The following RBFOX3 variants were observed in gnomAD, a reference collection of about 807,000 sequenced individuals.
RBFOX3 encodes the protein RNA binding fox-1 homolog 3.
In RBFOX3, 17 loss-of-function variants were observed where a neutral mutation model predicts 48.7. That is an observed-to-expected ratio of 0.35 (90% CI 0.24 to 0.52). RBFOX3 has a LOEUF of 0.52. Among genes scored for constraint, RBFOX3 ranks in the 20% least tolerant of loss-of-function variants. The probability of loss-of-function intolerance (pLI) is 0.94; values close to 1 mark genes in which losing one functional copy is unlikely to be tolerated. For missense variants in RBFOX3, 382 were observed against 497.5 expected, an observed-to-expected ratio of 0.77 and a Z score of 2.21; for synonymous variants, 212 against 209.5, an observed-to-expected ratio of 1.01 and a Z score of -0.10.
At chr17:79,410,521 G>A (rs1489942025) in intron 2 of RBFOX3, among the ~76,000 whole-genome samples, 2 of 152,194 alleles carry the variant, frequency 1.3e-5, no homozygotes, top group Admixed American at 6.5e-5. Context: ...TTGAAACACA[G>A]AGAGTTTTCT....
intron 1 of RBFOX3, among the ~76,000 whole-genome samples, chr17:79,511,942 A>G (rs1416840337): frequency 0.016 from 993 of 61,798 alleles, no homozygotes; most frequent in Middle Eastern, 0.042. Flanking sequence ...TTACCATCGG[A>G]TACAGCCCCA....
chr17:79,450,779 C>T (rs1555741146), intron 2 of RBFOX3, among the ~76,000 whole-genome samples: 6 of 152,042 alleles, frequency 3.9e-5, no homozygotes, highest in Non-Finnish European at 4.4e-5. Flanking sequence ...GACGGAGCTC[C>T]CAGGGTAGCC....
chr17:79,101,434 G>A (rs1379238313), intron 9 of RBFOX3, 150 bp downstream of exon 9: 24 of 707,270 alleles, frequency 3.4e-5, no homozygotes, highest in South Asian at 1.0e-4. Context: ...GCTTCTGACC[G>A]GGAGCAGAGC....
intron 1 of RBFOX3, among the ~76,000 whole-genome samples, chr17:79,550,521 T>C (rs1444659122): frequency 6.6e-6 from 1 of 152,188 alleles, no homozygotes; most frequent in Non-Finnish European, 1.5e-5. Context: ...GTTTATTTAA[T>C]AAGTATTTTT....
intron 14 of RBFOX3, chr17:79,092,386 C>T: frequency 6.1e-6 from 6 of 985,706 alleles, no homozygotes; most frequent in Non-Finnish European, 7.2e-6. Context: ...AAACCAGGGT[C>T]AAAGACACAC....
At chr17:79,495,057 T>TTCA (rs1275552643) in intron 1 of RBFOX3, among the ~76,000 whole-genome samples, 42 of 152,096 alleles carry the variant, frequency 2.8e-4, no homozygotes, top group African/African-American at 1.0e-3. Context: ...ACAGTTCAGG[T>TTCA]TCATCCCCAT....
intron 2 of RBFOX3, among the ~76,000 whole-genome samples, chr17:79,405,214 G>A (rs2063384033): frequency 6.6e-6 from 1 of 152,100 alleles, no homozygotes; most frequent in Non-Finnish European, 1.5e-5. Context: ...CGATGCAACT[G>A]GGGCATTCTC....
At chr17:79,507,400 G>A (rs1301398507) in intron 1 of RBFOX3, among the ~76,000 whole-genome samples, 9 of 152,152 alleles carry the variant, frequency 5.9e-5, no homozygotes, top group East Asian at 1.9e-4. Context: ...TAAATTTGGC[G>A]TCCATGGGGG....
chr17:79,650,944 C>A, the RBFOX3 span, among the ~76,000 whole-genome samples: 1 of 152,334 alleles, frequency 6.6e-6, no homozygotes, highest in Admixed American at 6.5e-5. Context: ...GGCCTTTACC[C>A]TCGGCCTCTC....
At chr17:79,170,997 C>T (rs566162210) in intron 4 of RBFOX3, among the ~76,000 whole-genome samples, 3 of 152,134 alleles carry the variant, frequency 2.0e-5, no homozygotes, top group East Asian at 1.9e-4. Context: ...GGCAGAGCCC[C>T]GCTCCTGAGA....
intron 2 of RBFOX3, among the ~76,000 whole-genome samples, chr17:79,412,500 G>C (rs905281158): frequency 1.3e-5 from 2 of 151,664 alleles, no homozygotes; most frequent in African/African-American, 4.9e-5. Flanking sequence ...CATGTATGAG[G>C]GTATGGTGTG....
chr17:79,564,820 T>A (rs994746823), intron 1 of RBFOX3, among the ~76,000 whole-genome samples: 42 of 151,966 alleles, frequency 2.8e-4, no homozygotes, highest in African/African-American at 9.4e-4. Context: ...GGTGGGCAGA[T>A]CACGAGGTCA....
At chr17:79,102,777 C>A (rs2076681339) in intron 8 of RBFOX3, among the ~76,000 whole-genome samples, 1 of 152,216 alleles carries the variant, frequency 6.6e-6, no homozygotes, top group Non-Finnish European at 1.5e-5. Flanking sequence ...AGGTTGGGGA[C>A]AGCCGCTGCT....
intron 2 of RBFOX3, among the ~76,000 whole-genome samples, chr17:79,422,559 G>C (rs1331553992): frequency 6.6e-6 from 1 of 152,220 alleles, no homozygotes; most frequent in Non-Finnish European, 1.5e-5. Context: ...AAGCCGCCAG[G>C]CAGACACTCG....
intron 3 of RBFOX3, among the ~76,000 whole-genome samples, chr17:79,236,082 C>T (rs989720602): frequency 3.3e-5 from 5 of 152,200 alleles, no homozygotes; most frequent in South Asian, 2.1e-4. Flanking sequence ...ATTTTCTCTG[C>T]GACTCTGGAT....
chr17:79,104,501 G>T (rs916451803), intron 6 of RBFOX3, among the ~76,000 whole-genome samples: 12 of 152,052 alleles, frequency 7.9e-5, no homozygotes, highest in Non-Finnish European at 1.6e-4. Context: ...CACATCACCA[G>T]TGTCCCCTCC....
the RBFOX3 span, among the ~76,000 whole-genome samples, chr17:79,620,512 T>C: frequency 2.2e-4 from 28 of 128,206 alleles, 1 homozygote; most frequent in Admixed American, 7.8e-4. Context: ...CACATGCGCA[T>C]ACGTGCACAT....
At chr17:79,474,848 C>T (rs2077506484) in intron 2 of RBFOX3, among the ~76,000 whole-genome samples, 2 of 152,116 alleles carry the variant, frequency 1.3e-5, no homozygotes, top group Admixed American at 6.5e-5. Context: ...TGTCCACATC[C>T]CTCTCTCCCC....
intron 2 of RBFOX3, among the ~76,000 whole-genome samples, chr17:79,351,022 C>T (rs1434014278): frequency 6.6e-6 from 1 of 152,194 alleles, no homozygotes; most frequent in Non-Finnish European, 1.5e-5. Context: ...TCAGTATTTG[C>T]CCCTGTGCAT....
Sources: gnomAD v4.1 joint callset for allele counts (sites outside exome capture counted in the v4.1 genomes callset) on GRCh38, gnomAD v4.1.1 for gene constraint, MANE v1.5 for transcripts, NCBI Gene and HGNC (gene_info 2026-07-23, HGNC 2026-07-21) for gene names.